The following SDK1 variants were observed in gnomAD, a reference collection of about 807,000 sequenced individuals.
SDK1 encodes the protein sidekick cell adhesion molecule 1, also known as protein sidekick-1.
Under a neutral mutation model 245.5 loss-of-function variants are expected in SDK1, and 157 were observed. That is an observed-to-expected ratio of 0.64 (90% CI 0.56 to 0.73). The LOEUF (loss-of-function observed/expected upper bound fraction) is 0.73. Ranked by LOEUF, SDK1 falls within the 30% of genes least tolerant of loss-of-function variation. The pLI is 0.00. For missense variants in SDK1, 3,583 were observed against 3,002.3 expected, an observed-to-expected ratio of 1.19 and a Z score of -4.52; for synonymous variants, 1,647 against 1,278.5, an observed-to-expected ratio of 1.29 and a Z score of -6.15.
chr7:3,551,771 G>A (rs1779422708), intron 1 of SDK1, among the ~76,000 whole-genome samples: 1 of 152,182 alleles, frequency 6.6e-6, no homozygotes, highest in Middle Eastern at 3.4e-3. Context: ...AGACTCGTGG[G>A]TTCGAGCAGT....
intron 1 of SDK1, among the ~76,000 whole-genome samples, chr7:3,472,109 C>A (rs1781203066): frequency 6.6e-6 from 1 of 152,124 alleles, no homozygotes; most frequent in Admixed American, 6.5e-5. Flanking sequence ...ATCTGTGTCT[C>A]CTTCCCACTG....
chr7:3,716,469 G>A (rs555003128), intron 4 of SDK1, among the ~76,000 whole-genome samples: 16 of 152,258 alleles, frequency 1.1e-4, no homozygotes, highest in African/African-American at 3.4e-4. Context: ...ATGAGGGGAG[G>A]CCACGTGTTA....
intron 5 of SDK1, among the ~76,000 whole-genome samples, chr7:3,867,946 T>G (rs1334361382): frequency 1.3e-5 from 2 of 152,206 alleles, no homozygotes; most frequent in African/African-American, 4.8e-5. Context: ...TGACTTATCC[T>G]TTCTATCTTT....
intron 2 of SDK1, among the ~76,000 whole-genome samples, chr7:3,631,038 TC>T (rs1257344217): frequency 6.6e-6 from 1 of 151,974 alleles, no homozygotes; most frequent in East Asian, 1.9e-4. Context: ...GCTCAAGTGA[TC>T]CCCCCATCTC....
intron 33 of SDK1, 23 bp downstream of exon 33, chr7:4,174,380 G>A (rs1340985653): frequency 6.2e-7 from 1 of 1,611,958 alleles, no homozygotes; most frequent in Non-Finnish European, 8.5e-7. Flanking sequence ...CCTCTGTCCT[G>A]GTACAGGGAG....
At position 4,175,349 on chromosome 7, in the gene SDK1, G is replaced by C. The variant is rs1315611716; in HGVS notation, c.4937-426G>C. Among the ~76,000 whole-genome samples the C allele has an allele frequency of 2.0e-5, 3 of 152,192 alleles. No individual in the cohort carries two copies. In the East Asian group the frequency reaches 5.8e-4, roughly 29 times the overall value. Reference sequence around the variant, plus strand: ...AGTAGAAGGGCCCCGGGATGCGGCTGGGCTTACGCACCTGGTCGCGCAGCT... The same window carrying C: ...AGTAGAAGGGCCCCGGGATGCGGCTCGGCTTACGCACCTGGTCGCGCAGCT... On this transcript the variant is annotated intron_variant, in intron 33 of 44. Transcript: ENST00000404826.
chr7:4,154,166 T>C (rs1437386073), intron 30 of SDK1, among the ~76,000 whole-genome samples: 3 of 152,218 alleles, frequency 2.0e-5, no homozygotes, highest in African/African-American at 7.2e-5. Context: ...GAACTTAAGC[T>C]ATGTCCTTCC....
intron 1 of SDK1, among the ~76,000 whole-genome samples, chr7:3,572,386 A>C (rs893431128): frequency 6.6e-6 from 1 of 151,992 alleles, no homozygotes; most frequent in African/African-American, 2.4e-5. Context: ...CCCTCAGAGC[A>C]AGAGTATGGA....
chr7:4,033,538 T>C (rs1318756868), intron 17 of SDK1, among the ~76,000 whole-genome samples: 1 of 151,992 alleles, frequency 6.6e-6, no homozygotes, highest in Non-Finnish European at 1.5e-5. Context: ...ACAAGACAAA[T>C]AGCAAATTGG....
chr7:4,061,171 C>G (rs1291958881), intron 19 of SDK1, among the ~76,000 whole-genome samples: 1 of 151,892 alleles, frequency 6.6e-6, no homozygotes, highest in Non-Finnish European at 1.5e-5. Context: ...TTTTCCAATT[C>G]TGTGAAGAAA....
intron 2 of SDK1, among the ~76,000 whole-genome samples, chr7:3,631,120 G>A (rs1182979209): frequency 6.6e-6 from 1 of 152,112 alleles, no homozygotes; most frequent in Non-Finnish European, 1.5e-5. Flanking sequence ...TTTTAATACA[G>A]ACAGGGTTTC....
At chr7:3,351,306 C>T (rs750047013) in intron 1 of SDK1, among the ~76,000 whole-genome samples, 26 of 152,070 alleles carry the variant, frequency 1.7e-4, no homozygotes, top group African/African-American at 5.8e-4. Context: ...ATTGGTGAAT[C>T]ATTTTACCTA....
chr7:4,098,167 C>T (rs974762222), intron 22 of SDK1, among the ~76,000 whole-genome samples: 1 of 152,118 alleles, frequency 6.6e-6, no homozygotes, highest in Non-Finnish European at 1.5e-5. Context: ...GTTCATTCAT[C>T]TGTCAGATCC....
chr7:3,684,718 T>C (rs1343618245), intron 4 of SDK1, among the ~76,000 whole-genome samples: 4 of 150,882 alleles, frequency 2.7e-5, no homozygotes, highest in Admixed American at 2.0e-4. Flanking sequence ...CAGCTAGTCA[T>C]AAAAGTGCTT....
chr7:4,228,020 C>G (rs1239141291), intron 40 of SDK1, among the ~76,000 whole-genome samples: 1 of 152,158 alleles, frequency 6.6e-6, no homozygotes, highest in South Asian at 2.1e-4. Flanking sequence ...CCACTTACTT[C>G]CCTTGTTTAA....
At chr7:3,807,930 T>A (rs555523214) in intron 4 of SDK1, among the ~76,000 whole-genome samples, 1 of 152,312 alleles carries the variant, frequency 6.6e-6, no homozygotes, top group South Asian at 2.1e-4. Context: ...ATATCTCGTT[T>A]AATTCTCCTG....
intron 41 of SDK1, among the ~76,000 whole-genome samples, chr7:4,235,684 G>A (rs1026991613): frequency 1.3e-5 from 2 of 152,188 alleles, no homozygotes; most frequent in Non-Finnish European, 1.5e-5. Flanking sequence ...GGTTCCTCAT[G>A]CGGAACGTGC....
chr7:3,789,017 G>T (rs1465917885), intron 4 of SDK1, among the ~76,000 whole-genome samples: 1 of 152,228 alleles, frequency 6.6e-6, no homozygotes, highest in Admixed American at 6.5e-5. Context: ...CGGCTGACAA[G>T]CTCCTTTCTG....
chr7:3,858,940 G>A lies in SDK1; in HGVS notation c.847+37357G>A, dbSNP rs527269651. Among the ~76,000 whole-genome samples, 138 of 146,278 alleles carry A rather than the reference G, an allele frequency of 9.4e-4. 1 individual carries two copies. Among genetic ancestry groups the A allele is most frequent in the African/African-American group, 3.6e-3 (134 of 37,580 alleles). On this transcript the variant is annotated intron_variant, in intron 5 of 44. Coordinates refer to ENST00000404826, the MANE Select transcript of SDK1 (RefSeq NM_152744.4). The stretch of plus-strand genomic sequence containing the variant: ...TGCAGTGGCGTGATCTCGGCTCGCT[G>A]CAAGCTCCACCCACCAGGTCCACGG...
Sources: gnomAD v4.1 joint callset for allele counts (sites outside exome capture counted in the v4.1 genomes callset) on GRCh38, gnomAD v4.1.1 for gene constraint, MANE v1.5 for transcripts, NCBI Gene and HGNC (gene_info 2026-07-23, HGNC 2026-07-21) for gene names.